Variants in SLC8A3 observed in about 807,000 individuals in gnomAD.
SLC8A3 encodes sodium/calcium exchanger 3.
SLC8A3 carries 37 observed loss-of-function variants against 65.4 expected under a neutral mutation model. The observed-to-expected ratio is 0.57, with a 90% CI of 0.44 to 0.74. The LOEUF (loss-of-function observed/expected upper bound fraction) is 0.74. Among genes scored for constraint, SLC8A3 ranks in the 30% least tolerant of loss-of-function variants. The pLI is 0.00. For synonymous variants in SLC8A3, 461 were observed against 444.5 expected (o/e 1.04, Z -0.47); for missense variants, 1,112 against 1,172.1 (o/e 0.95, Z 0.75).
intron 1 of SLC8A3, among the ~76,000 whole-genome samples, chr14:70,177,345 T>A (rs1243076750): frequency 1.3e-5 from 2 of 152,194 alleles, no homozygotes; most frequent in Non-Finnish European, 2.9e-5. Context: ...TTGAGTAATA[T>A]GAACAAAATA....
At chr14:70,095,387 A>C (rs996774910) in intron 2 of SLC8A3, among the ~76,000 whole-genome samples, 7 of 152,206 alleles carry the variant, frequency 4.6e-5, no homozygotes, top group African/African-American at 1.7e-4. Context: ...TAGCATTGAC[A>C]CAAAGGCCAG....
intron 2 of SLC8A3, among the ~76,000 whole-genome samples, chr14:70,166,042 T>A (rs566454975): frequency 4.6e-5 from 7 of 152,316 alleles, no homozygotes; most frequent in African/African-American, 1.7e-4. Flanking sequence ...CATTAAATAG[T>A]CTATGGTCAT....
chr14:70,080,071 A>G, intron 2 of SLC8A3: 4 of 984,944 alleles, frequency 4.1e-6, no homozygotes, highest in Non-Finnish European at 4.8e-6. Context: ...TCAGCAAGTG[A>G]TGGTTCCCTT....
chr14:70,045,890 T>G lies in SLC8A3; in HGVS notation c.*57A>C. Reference sequence around the variant, plus strand: ...TCGGGAGAGATCACTGGTGGGGAAGTGCCCTTCTCTTAGGAGAAGTCCTAG... The same window carrying G: ...TCGGGAGAGATCACTGGTGGGGAAGGGCCCTTCTCTTAGGAGAAGTCCTAG... On this transcript the variant is annotated 3_prime_UTR_variant, in exon 7 of 7. Transcript: ENST00000356921. 1 of 1,466,732 alleles carries G rather than the reference T, an allele frequency of 6.8e-7. No individual in the cohort carries two copies. Among genetic ancestry groups the G allele is most frequent in the Non-Finnish European group, 9.1e-7 (1 of 1,096,840 alleles). 90.9% of individuals were successfully genotyped at this position (1,466,732 alleles called of 1,614,324 possible). A position where few individuals can be genotyped will look rare whatever the true frequency, so the allele number is the denominator to read the frequency against.
At chr14:70,094,233 G>A (rs993243217) in intron 2 of SLC8A3, among the ~76,000 whole-genome samples, 6 of 152,208 alleles carry the variant, frequency 3.9e-5, no homozygotes, top group Middle Eastern at 3.2e-3. Context: ...AAATCCCAGC[G>A]CTGCAGCCAC....
At chr14:70,077,051 C>G (rs967834780) in intron 2 of SLC8A3, among the ~76,000 whole-genome samples, 3 of 152,180 alleles carry the variant, frequency 2.0e-5, no homozygotes, top group South Asian at 2.1e-4. Context: ...CCCCACAGCA[C>G]AGTAACTGGC....
In SLC8A3 at chr14:70,046,143, A is replaced by G. The variant is rs1886755554; in HGVS notation, c.2570T>C (p.Phe857Ser). The G allele has an allele frequency of 6.2e-7, 1 of 1,614,212 alleles. No homozygotes were observed. Among genetic ancestry groups the G allele is most frequent in the Non-Finnish European group, 8.5e-7 (1 of 1,180,022 alleles). The change falls in exon 7 of 7, where the codon TTC becomes TCC. Residue 857 changes from phenylalanine (F) to serine (S), a missense_variant. Transcript: ENST00000356921. The surrounding 1 kb of genome is among the most constrained non-coding windows in gnomAD (Gnocchi z 4.2). ...EFHVSAGTLAFSVTLFTIFAF... is the reference protein window; with the variant it reads ...EFHVSAGTLASSVTLFTIFAF... Reference sequence around the variant, plus strand: ...AAAGATGGTGAAGAGGGTGACGGAGAAGGCCAGTGTGCCGGCCGACACGTG... The same window carrying G: ...AAAGATGGTGAAGAGGGTGACGGAGGAGGCCAGTGTGCCGGCCGACACGTG...
intron 2 of SLC8A3, among the ~76,000 whole-genome samples, chr14:70,101,196 AAAC>A (rs1198356687): frequency 6.6e-6 from 1 of 152,240 alleles, no homozygotes; most frequent in East Asian, 1.9e-4. Flanking sequence ...GACATAAAAT[AAAC>A]AACACATAAT....
chr14:70,101,098 A>G (rs1039335058), intron 2 of SLC8A3, among the ~76,000 whole-genome samples: 7 of 152,372 alleles, frequency 4.6e-5, no homozygotes, highest in African/African-American at 1.7e-4. Flanking sequence ...CTACTAGGTG[A>G]CAGGCACTAA....
chr14:70,110,197 TTTAG>T (rs1420600206), intron 2 of SLC8A3, among the ~76,000 whole-genome samples: 1 of 152,164 alleles, frequency 6.6e-6, no homozygotes, highest in Non-Finnish European at 1.5e-5. Context: ...TTGCAAACAA[TTTAG>T]TTATACTCAA....
chr14:70,125,376 C>T (rs114223203), intron 2 of SLC8A3, among the ~76,000 whole-genome samples: 201 of 152,140 alleles, frequency 1.3e-3, no homozygotes, highest in African/African-American at 4.6e-3. Flanking sequence ...ACACTCTGTG[C>T]CCATGCATAT....
chr14:70,073,687 C>T (rs1054311980), intron 2 of SLC8A3, among the ~76,000 whole-genome samples: 1 of 152,166 alleles, frequency 6.6e-6, no homozygotes, highest in African/African-American at 2.4e-5. Context: ...CTTGTCTTCT[C>T]TCACTGCTGG....
intron 4 of SLC8A3, 86 bp downstream of exon 4, chr14:70,051,903 TA>T: frequency 9.2e-7 from 1 of 1,082,260 alleles, no homozygotes; most frequent in South Asian, 1.4e-5. Flanking sequence ...ACATATTCAC[TA>T]GTGAAAGTGG....
chr14:70,052,242 A>G, intron 3 of SLC8A3, 128 bp from the exon 4 acceptor site: 1 of 1,170,486 alleles, frequency 8.5e-7, no homozygotes. Context: ...GTTTATATAT[A>G]TTTTTAGTGC....
In SLC8A3 at chr14:70,046,690, A is replaced by T. The variant is rs534352948; in HGVS notation, c.2390-367T>A. 1 of 196,962 alleles carries T rather than the reference A, an allele frequency of 5.1e-6. No homozygotes were observed. The highest frequency in any genetic ancestry group is 1.5e-4 in the South Asian group (1 of 6,786). 12.2% of individuals were successfully genotyped at this position (196,962 alleles called of 1,614,324 possible). ...CTTGACACCCTGGGAAGCTGCTTGG[A>T]GTAGATGCCTGATTTTAACTGTCAT... is the stretch of plus-strand genomic sequence containing the variant. On this transcript the variant is annotated intron_variant, in intron 6 of 6. Coordinates refer to ENST00000356921, the MANE Select transcript of SLC8A3 (RefSeq NM_182932.3). The surrounding 1 kb of genome is among the most constrained non-coding windows in gnomAD (Gnocchi z 4.2).
At chr14:70,065,242 C>T (rs1194007939) in intron 2 of SLC8A3, among the ~76,000 whole-genome samples, 1 of 152,168 alleles carries the variant, frequency 6.6e-6, no homozygotes, top group Non-Finnish European at 1.5e-5. Context: ...ACCATTAGAG[C>T]TTTGGATGTC....
chr14:70,048,676 G>A lies in SLC8A3; in HGVS notation c.2389+91C>T, dbSNP rs1566729521. 3.5e-6 allele frequency: 4 copies of A among 1,130,626 alleles called. No individual in the cohort carries two copies. The South Asian group carries it at 3.9e-5, about 11-fold the overall frequency. 70.0% of individuals were successfully genotyped at this position (1,130,626 alleles called of 1,614,324 possible). ...CAGAGGCTCTGTTAAGTTCAGATCT[G>A]AGATGGTGTGGAAGATAATGAGATG... is the stretch of plus-strand genomic sequence containing the variant. On this transcript the variant is annotated intron_variant, in intron 6 of 6. Transcript: ENST00000356921.
chr14:70,059,222 C>T (rs540544439), intron 3 of SLC8A3: 1 of 152,358 alleles, frequency 6.6e-6, no homozygotes, highest in Admixed American at 6.5e-5. Context: ...AGGAGAGTCC[C>T]CAGCAGACAA....
intron 2 of SLC8A3, among the ~76,000 whole-genome samples, chr14:70,135,317 G>GA (rs1347557320): frequency 6.6e-6 from 1 of 152,038 alleles, no homozygotes; most frequent in Non-Finnish European, 1.5e-5. Flanking sequence ...AGCCACCATG[G>GA]AAAAAAAGTA....
Sources: gnomAD v4.1 joint callset for allele counts (sites outside exome capture counted in the v4.1 genomes callset) on GRCh38, gnomAD v4.1.1 for gene constraint, Gnocchi (gnomAD v3.1) non-coding constraint, MANE v1.5 for transcripts, NCBI Gene and HGNC (gene_info 2026-07-23, HGNC 2026-07-21) for gene names.